WDR17: variants seen among roughly 807,000 people sequenced by gnomAD.
The protein encoded by WDR17 is WD repeat-containing protein 17.
A neutral mutation model predicts 161.7 loss-of-function variants in WDR17; 143 were observed. The ratio of observed to expected loss-of-function variants is 0.88; its 90% CI spans 0.77 to 1.02. The LOEUF (loss-of-function observed/expected upper bound fraction) is 1.02, where lower values mean the gene tolerates loss of function less well. Among genes scored for constraint, WDR17 ranks in the 50% least tolerant of loss-of-function variants. The probability of loss-of-function intolerance (pLI) is 0.00; values close to 1 mark genes in which losing one functional copy is unlikely to be tolerated. For missense variants in WDR17, 1,469 were observed against 1,520.9 expected (o/e 0.97, Z 0.57); for synonymous variants, 517 against 515.6 (o/e 1.00, Z -0.04).
intron 18 of WDR17, among the ~76,000 whole-genome samples, chr4:176,158,716 A>G (rs996316422): frequency 6.6e-6 from 1 of 152,182 alleles, no homozygotes; most frequent in Admixed American, 6.6e-5. Context: ...GGGAAGGAAA[A>G]GGAGGAGGCA....
At chr4:176,085,950 C>G (rs1735366342) in intron 1 of WDR17, among the ~76,000 whole-genome samples, 1 of 151,904 alleles carries the variant, frequency 6.6e-6, no homozygotes, top group Non-Finnish European at 1.5e-5. Flanking sequence ...ATAATCCTCC[C>G]CCACTCAAGC....
Position 176,137,574 on chromosome 4 carries a change from A to C in WDR17, c.1322A>C (p.Asn441Thr). The change falls in exon 9 of 29, where the codon AAT (asparagine) becomes ACT (threonine). Residue 441 changes from asparagine (N) to threonine (T), a missense_variant. Asn to Thr is a moderately conservative substitution (Grantham distance 65). Coordinates refer to ENST00000508596, the MANE Select transcript of WDR17 (RefSeq NM_181265.4). Reference protein sequence around the residue: ...GTSRNGAFIWNVQKGKIIQRF... With the variant: ...GTSRNGAFIWTVQKGKIIQRF... The stretch of plus-strand genomic sequence containing the variant: ...TCCCGAAATGGTGCTTTTATTTGGA[A>C]TGTTCAAAAGGGCAAAATTATACAA... The C allele has an allele frequency of 1.9e-6, 3 of 1,599,602 alleles. No homozygotes were observed. Among genetic ancestry groups the C allele is most frequent in the Non-Finnish European group, 2.6e-6 (3 of 1,170,950 alleles).
intron 16 of WDR17, among the ~76,000 whole-genome samples, chr4:176,151,148 G>C (rs966160661): frequency 2.6e-5 from 4 of 152,166 alleles, no homozygotes; most frequent in African/African-American, 9.7e-5. Context: ...ATAAAGAGCA[G>C]TTTTTTCCAT....
At chr4:176,163,429 G>T (rs1049815289) in intron 22 of WDR17, 136 bp downstream of exon 22, 10 of 1,026,274 alleles carry the variant, frequency 9.7e-6, no homozygotes, top group Non-Finnish European at 1.1e-5. Context: ...ATTGTGGAAG[G>T]AAATAATGAT....
intron 1 of WDR17, among the ~76,000 whole-genome samples, chr4:176,081,546 T>G (rs1734749333): frequency 6.6e-6 from 1 of 152,130 alleles, no homozygotes; most frequent in South Asian, 2.1e-4. Context: ...TTTGTGTCTA[T>G]TAGAAATGAA....
At chr4:176,134,330 A>G (rs894694941) in intron 7 of WDR17, among the ~76,000 whole-genome samples, 2 of 151,828 alleles carry the variant, frequency 1.3e-5, no homozygotes, top group Non-Finnish European at 3.0e-5. Context: ...TCGTTTGCTT[A>G]AAGTAGAAAT....
chr4:176,067,705 C>T (rs1204171652), intron 1 of WDR17, among the ~76,000 whole-genome samples: 1 of 152,116 alleles, frequency 6.6e-6, no homozygotes. Context: ...ACAATGCTCC[C>T]AGTAGAGGGG....
At chr4:176,116,166 T>C (rs1456187763) in intron 3 of WDR17, among the ~76,000 whole-genome samples, 187 bp downstream of exon 3, 1 of 151,842 alleles carries the variant, frequency 6.6e-6, no homozygotes, top group East Asian at 1.9e-4. Flanking sequence ...TTTCATGAAA[T>C]AATTATACGT....
chr4:176,131,773 A>AC, intron 7 of WDR17, 35 bp downstream of exon 7: 3 of 1,468,348 alleles, frequency 2.0e-6, no homozygotes, highest in East Asian at 2.5e-5. Context: ...TATACATAAT[A>AC]GTTTTTTGTG....
chr4:176,114,878 G>C (rs1454887365), intron 2 of WDR17, among the ~76,000 whole-genome samples: 1 of 151,406 alleles, frequency 6.6e-6, no homozygotes, highest in African/African-American at 2.4e-5. Flanking sequence ...AGAAGCCAAG[G>C]AAGCAGCAAG....
At chr4:176,120,663 T>C (rs1184509542) in intron 4 of WDR17, among the ~76,000 whole-genome samples, 3 of 151,774 alleles carry the variant, frequency 2.0e-5, no homozygotes. Context: ...GATTAAAAAA[T>C]CAAAAATTAC....
At chr4:176,104,398 G>C (rs7672709) in intron 1 of WDR17, among the ~76,000 whole-genome samples, 55,408 of 151,716 alleles carry the variant, frequency 0.37, 10,353 homozygotes, top group East Asian at 0.43. Context: ...GCTATTGTTT[G>C]TTTTCATCAT....
intron 21 of WDR17, among the ~76,000 whole-genome samples, 200 bp downstream of exon 21, chr4:176,162,374 CTT>C (rs1212774011): frequency 1.3e-5 from 2 of 152,070 alleles, no homozygotes; most frequent in African/African-American, 2.4e-5. Flanking sequence ...ACTATGAGCT[CTT>C]GTTTTCTTTT....
chr4:176,140,205 A>G (rs1745034324), intron 10 of WDR17, among the ~76,000 whole-genome samples: 1 of 152,124 alleles, frequency 6.6e-6, no homozygotes, highest in Non-Finnish European at 1.5e-5. Context: ...TGCTTTCTCA[A>G]TGAAAATACT....
At chr4:176,072,253 G>C (rs1258126673) in intron 1 of WDR17, among the ~76,000 whole-genome samples, 1 of 152,196 alleles carries the variant, frequency 6.6e-6, no homozygotes, top group Non-Finnish European at 1.5e-5. Flanking sequence ...ATTAATCTCA[G>C]ACAGTAGAAG....
intron 19 of WDR17, among the ~76,000 whole-genome samples, chr4:176,160,441 C>G (rs923700041): frequency 1.3e-5 from 2 of 152,170 alleles, no homozygotes; most frequent in Non-Finnish European, 2.9e-5. Flanking sequence ...CCTGCCTCAG[C>G]CTCCCGAGTA....
intron 26 of WDR17, among the ~76,000 whole-genome samples, chr4:176,175,818 C>G (rs570767642): frequency 2.0e-5 from 3 of 152,314 alleles, no homozygotes; most frequent in African/African-American, 7.2e-5. Context: ...CTCGGCCTCC[C>G]AAAGTGCTGG....
At chr4:176,141,172 A>T (rs941562295) in intron 10 of WDR17, among the ~76,000 whole-genome samples, 4 of 141,502 alleles carry the variant, frequency 2.8e-5, no homozygotes, top group African/African-American at 1.1e-4. Context: ...CAGTTAAATT[A>T]TATAGAATCC....
intron 4 of WDR17, among the ~76,000 whole-genome samples, chr4:176,121,125 G>A (rs116132631): frequency 2.0e-5 from 3 of 152,224 alleles, no homozygotes; most frequent in East Asian, 1.9e-4. Flanking sequence ...CCAGGTTTAC[G>A]TGGGGACAGT....
Sources: gnomAD v4.1 joint callset for allele counts (sites outside exome capture counted in the v4.1 genomes callset) on GRCh38, gnomAD v4.1.1 for gene constraint, MANE v1.5 for transcripts, NCBI Gene and HGNC (gene_info 2026-07-23, HGNC 2026-07-21) for gene names.